RABGAP1L: variants seen among roughly 807,000 people sequenced by gnomAD.
The protein encoded by RABGAP1L is rab GTPase-activating protein 1-like.
A neutral mutation model predicts 137.7 loss-of-function variants in RABGAP1L; 63 were observed. The ratio of observed to expected loss-of-function variants is 0.46; its 90% CI spans 0.37 to 0.56. The LOEUF (loss-of-function observed/expected upper bound fraction) is 0.56. Ranked by LOEUF, RABGAP1L falls within the 20% of genes least tolerant of loss-of-function variation. The pLI is 0.00. For missense variants in RABGAP1L, 1,095 were observed against 1,244.0 expected (o/e 0.88, Z 1.80); for synonymous variants, 431 against 433.7 (o/e 0.99, Z 0.08).
At chr1:174,314,732 A>T (rs1357580282) in intron 11 of RABGAP1L, among the ~76,000 whole-genome samples, 1 of 151,928 alleles carries the variant, frequency 6.6e-6, no homozygotes, top group Non-Finnish European at 1.5e-5. Context: ...TTTCCTTCTC[A>T]ATTTCTTCAT....
At chr1:174,261,907 G>C (rs982129763) in intron 7 of RABGAP1L, among the ~76,000 whole-genome samples, 5 of 152,254 alleles carry the variant, frequency 3.3e-5, no homozygotes, top group Admixed American at 6.5e-5. Context: ...ATTTCTCTTA[G>C]AGGATATCAT....
chr1:174,650,098 G>GT (rs978104478), intron 14 of RABGAP1L, among the ~76,000 whole-genome samples: 7 of 152,202 alleles, frequency 4.6e-5, no homozygotes, highest in South Asian at 4.1e-4. Flanking sequence ...TAATCATGTG[G>GT]TTTTTATCTT....
intron 19 of RABGAP1L, among the ~76,000 whole-genome samples, chr1:174,933,868 G>C (rs1664278000): frequency 6.6e-6 from 1 of 152,196 alleles, no homozygotes; most frequent in East Asian, 1.9e-4. Context: ...CCTCCCATAT[G>C]GATCAAGACT....
chr1:174,453,551 G>A (rs1655682327), intron 13 of RABGAP1L, among the ~76,000 whole-genome samples: 1 of 152,186 alleles, frequency 6.6e-6, no homozygotes, highest in Non-Finnish European at 1.5e-5. Context: ...GTATGTGTAG[G>A]TAGGGCCATT....
chr1:174,655,515 G>T (rs1290864421), intron 14 of RABGAP1L, among the ~76,000 whole-genome samples: 2 of 152,236 alleles, frequency 1.3e-5, no homozygotes, highest in East Asian at 3.9e-4. Flanking sequence ...TATGTATGCA[G>T]TTTCATTTTT....
rs565200132 is a variant in RABGAP1L at position 174,482,785 on chromosome 1, A to G, written c.1710+88640A>G. 1.2e-4 allele frequency among the ~76,000 whole-genome samples: 19 copies of G among 152,292 alleles called. No homozygotes were observed. In the South Asian group the frequency reaches 2.9e-3, roughly 23 times the overall value. ...AGCCACCATGCCCTCACACAAAAAG[A>G]AATTGGTTGGTACATATACACAGCT... On this transcript the variant is annotated intron_variant, in intron 13 of 25. Transcript: ENST00000681986.
chr1:174,793,201 A>T (rs556970510), intron 18 of RABGAP1L, among the ~76,000 whole-genome samples: 3 of 152,130 alleles, frequency 2.0e-5, no homozygotes, highest in Non-Finnish European at 4.4e-5. Context: ...TCTACAGACC[A>T]TAAGACATTC....
chr1:174,943,587 G>T (rs1045505410), intron 19 of RABGAP1L, among the ~76,000 whole-genome samples: 2 of 152,184 alleles, frequency 1.3e-5, no homozygotes, highest in Non-Finnish European at 2.9e-5. Flanking sequence ...TGTAATCCCA[G>T]CACTTTGGGA....
intron 19 of RABGAP1L, among the ~76,000 whole-genome samples, chr1:174,894,316 C>A (rs1304202723): frequency 6.6e-6 from 1 of 152,150 alleles, no homozygotes; most frequent in Non-Finnish European, 1.5e-5. Context: ...TGCTCAGCTT[C>A]CTTCTTACTA....
In RABGAP1L at chr1:174,159,613, C is replaced by T. The variant is rs908134997; in HGVS notation, c.-78C>T. The T allele has an allele frequency of 5.2e-5, 8 of 152,424 alleles. No individual in the cohort carries two copies. The highest frequency in any genetic ancestry group is 1.9e-4 in the African/African-American group (8 of 41,470). The allele number at this position is 152,424 out of a possible 1,614,324, so 9.4% of individuals were successfully genotyped here. On this transcript the variant is annotated 5_prime_UTR_variant, in exon 1 of 26. Transcript: ENST00000681986. ...GAGGTGGAGGGTGGAACGCGGGCGC[C>T]TGAAGGAGTTGTTGTCTCGGCAGCG... is the stretch of plus-strand genomic sequence containing the variant.
intron 5 of RABGAP1L, among the ~76,000 whole-genome samples, chr1:174,247,150 G>T (rs1487911741): frequency 1.3e-5 from 2 of 151,758 alleles, no homozygotes; most frequent in Non-Finnish European, 2.9e-5. Flanking sequence ...GACTTTTTTT[G>T]ATATGGCCTT....
chr1:174,196,881 A>G (rs930407581), intron 1 of RABGAP1L, among the ~76,000 whole-genome samples: 1 of 152,084 alleles, frequency 6.6e-6, no homozygotes, highest in Non-Finnish European at 1.5e-5. Context: ...TCTTCTGCTC[A>G]TTTTTATAAG....
At chr1:174,481,303 A>G (rs1188425593) in intron 13 of RABGAP1L, among the ~76,000 whole-genome samples, 1 of 152,176 alleles carries the variant, frequency 6.6e-6, no homozygotes, top group Admixed American at 6.6e-5. Context: ...CAGTTGAATC[A>G]TTGACCACTT....
At chr1:174,479,408 C>T (rs888609211) in intron 13 of RABGAP1L, among the ~76,000 whole-genome samples, 6 of 152,146 alleles carry the variant, frequency 3.9e-5, no homozygotes, top group African/African-American at 1.4e-4. Context: ...TCATCAGAGT[C>T]TATTTTGGTG....
intron 11 of RABGAP1L, among the ~76,000 whole-genome samples, chr1:174,306,943 C>T (rs898166073): frequency 1.3e-5 from 2 of 152,046 alleles, no homozygotes; most frequent in South Asian, 4.1e-4. Context: ...AATTCTCAGT[C>T]TTGCTTCTGT....
chr1:174,425,547 C>A (rs1163564221), intron 13 of RABGAP1L, among the ~76,000 whole-genome samples: 1 of 151,924 alleles, frequency 6.6e-6, no homozygotes, highest in Non-Finnish European at 1.5e-5. Flanking sequence ...CATGAAATCC[C>A]CCAAAATGTG....
intron 13 of RABGAP1L, among the ~76,000 whole-genome samples, chr1:174,455,698 A>G (rs1357750508): frequency 1.3e-5 from 2 of 152,134 alleles, no homozygotes; most frequent in African/African-American, 2.4e-5. Flanking sequence ...TTACTTTTTC[A>G]GGAATTTTAT....
At chr1:174,841,444 G>A (rs1693388495) in intron 19 of RABGAP1L, among the ~76,000 whole-genome samples, 1 of 151,982 alleles carries the variant, frequency 6.6e-6, no homozygotes, top group South Asian at 2.1e-4. Flanking sequence ...CAGAACTTGT[G>A]AGATGGAGCT....
chr1:174,489,633 G>T (rs1210188472), intron 13 of RABGAP1L, among the ~76,000 whole-genome samples: 1 of 152,126 alleles, frequency 6.6e-6, no homozygotes, highest in Non-Finnish European at 1.5e-5. Flanking sequence ...ATTCCTCAAG[G>T]ATCTAGAACT....
Sources: gnomAD v4.1 joint callset for allele counts (sites outside exome capture counted in the v4.1 genomes callset) on GRCh38, gnomAD v4.1.1 for gene constraint, MANE v1.5 for transcripts, NCBI Gene and HGNC (gene_info 2026-07-23, HGNC 2026-07-21) for gene names.